Variants in NPAS3 observed in about 807,000 individuals in gnomAD.
The protein encoded by NPAS3 is neuronal PAS domain protein 3.
Under a neutral mutation model 73.1 loss-of-function variants are expected in NPAS3, and 14 were observed. That is an observed-to-expected ratio of 0.19 (90% CI 0.13 to 0.30). The LOEUF (loss-of-function observed/expected upper bound fraction) is 0.30, where lower values mean the gene tolerates loss of function less well. NPAS3 is among the 10% of genes least tolerant of loss of function. The pLI, the probability that NPAS3 is intolerant of heterozygous loss-of-function variation, is 1.00. For synonymous variants in NPAS3, 620 were observed against 541.5 expected, an observed-to-expected ratio of 1.14 and a Z score of -2.01; for missense variants, 1,096 against 1,250.0, an observed-to-expected ratio of 0.88 and a Z score of 1.86.
At chr14:33,558,451 G>C (rs914770100) in intron 4 of NPAS3, among the ~76,000 whole-genome samples, 1 of 152,136 alleles carries the variant, frequency 6.6e-6, no homozygotes, top group Non-Finnish European at 1.5e-5. Flanking sequence ...TAGAGATGGG[G>C]TTTCCACCAT....
At chr14:33,370,473 A>G (rs758159622) in intron 4 of NPAS3, among the ~76,000 whole-genome samples, 12 of 152,136 alleles carry the variant, frequency 7.9e-5, no homozygotes, top group Non-Finnish European at 1.6e-4. Context: ...AGTGGGACAT[A>G]TAAGAGATGA....
chr14:33,697,125 G>A (rs2060404696), intron 6 of NPAS3, among the ~76,000 whole-genome samples: 1 of 152,204 alleles, frequency 6.6e-6, no homozygotes, highest in African/African-American at 2.4e-5. Flanking sequence ...TTCAACTTTA[G>A]AGTGCAGGAA....
chr14:32,994,578 T>TA (rs531429504), intron 1 of NPAS3, among the ~76,000 whole-genome samples: 29 of 144,256 alleles, frequency 2.0e-4, no homozygotes, highest in East Asian at 3.9e-4. Flanking sequence ...GAACTTAAAT[T>TA]AAAAAAAAAA....
At chr14:33,558,654 A>C (rs2055482307) in intron 4 of NPAS3, among the ~76,000 whole-genome samples, 1 of 151,708 alleles carries the variant, frequency 6.6e-6, no homozygotes, top group South Asian at 2.1e-4. Context: ...ATAAGAATAT[A>C]TATAATATAC....
chr14:33,723,242 TC>T (rs1399521100), intron 6 of NPAS3, among the ~76,000 whole-genome samples: 1 of 152,088 alleles, frequency 6.6e-6, no homozygotes, highest in Non-Finnish European at 1.5e-5. Flanking sequence ...TCTAAACTCT[TC>T]CATTTGTCAT....
chr14:33,416,197 A>C (rs17101049), intron 4 of NPAS3, among the ~76,000 whole-genome samples: 3,918 of 152,182 alleles, frequency 0.026, 173 homozygotes, highest in African/African-American at 0.088. Context: ...TGCACAATTT[A>C]CGTTGAACAT....
intron 2 of NPAS3, among the ~76,000 whole-genome samples, chr14:33,058,463 T>C (rs1344783907): frequency 9.2e-5 from 14 of 152,206 alleles, no homozygotes; most frequent in Non-Finnish European, 1.9e-4. Flanking sequence ...CTTAATCTCC[T>C]TGGGCCTCAG....
intron 3 of NPAS3, among the ~76,000 whole-genome samples, chr14:33,246,383 T>TA (rs1440316210): frequency 6.6e-6 from 1 of 151,408 alleles, no homozygotes; most frequent in Non-Finnish European, 1.5e-5. Context: ...ACTAAAAATA[T>TA]AAAAAATTAG....
At chr14:33,080,034 A>G (rs2138714419) in intron 2 of NPAS3, among the ~76,000 whole-genome samples, 1 of 152,354 alleles carries the variant, frequency 6.6e-6, no homozygotes, top group Non-Finnish European at 1.5e-5. Flanking sequence ...AAAGTTACAT[A>G]TAGTGTTGCT....
chr14:33,051,296 A>AAAAAAAAAAAAAAAAAAAAAAAGAG (rs771840433), intron 1 of NPAS3, among the ~76,000 whole-genome samples: 8 of 142,570 alleles, frequency 5.6e-5, no homozygotes, highest in African/African-American at 1.9e-4. Context: ...AAAAAAAAAA[A>AAAAAAAAAAAAAAAAAAAAAAAGAG]AGAGAGACTA....
At chr14:33,197,268 T>TGTGTGTGTGTGTGTGTGTG (rs1555353808) in intron 2 of NPAS3, among the ~76,000 whole-genome samples, 1 of 97,926 alleles carries the variant, frequency 1.0e-5, no homozygotes, top group African/African-American at 3.1e-5. Flanking sequence ...TGTGTGTGTG[T>TGTGTGTGTGTGTGTGTGTG]TCTTTTTCAA....
At chr14:33,280,094 C>T (rs1438723906) in intron 3 of NPAS3, among the ~76,000 whole-genome samples, 1 of 152,096 alleles carries the variant, frequency 6.6e-6, no homozygotes, top group East Asian at 1.9e-4. Flanking sequence ...TGAGTTCTGG[C>T]GGAGAGTCTC....
chr14:33,020,453 T>A (rs1160702049), intron 1 of NPAS3, among the ~76,000 whole-genome samples: 1 of 152,138 alleles, frequency 6.6e-6, no homozygotes, highest in Non-Finnish European at 1.5e-5. Context: ...GCAGGGAAAA[T>A]CCAGTGAAAT....
At position 33,091,503 on chromosome 14, in the gene NPAS3, C is replaced by T. The variant is rs551162998; in HGVS notation, c.140+35509C>T. 9.2e-5 allele frequency among the ~76,000 whole-genome samples: 14 copies of T among 152,146 alleles called. No individual in the cohort carries two copies. The South Asian group carries it at 2.9e-3, about 32-fold the overall frequency. ...TAAAATTGAGGCAATAATTAGTAGC[C>T]TACCAACCAAAAAATGTCCAGGACC... On this transcript the variant is annotated intron_variant, in intron 2 of 11. Coordinates refer to ENST00000356141, the Ensembl canonical transcript of NPAS3.
At chr14:33,743,905 A>G (rs528038890) in intron 7 of NPAS3, among the ~76,000 whole-genome samples, 11 of 152,352 alleles carry the variant, frequency 7.2e-5, no homozygotes, top group African/African-American at 2.6e-4. Flanking sequence ...TTTCTTCTGC[A>G]ACTTCTTCAT....
chr14:32,939,272 G>T (rs771401834), upstream of NPAS3: 1 of 714,174 alleles, frequency 1.4e-6, no homozygotes, highest in Non-Finnish European at 2.5e-6. Flanking sequence ...ACCCGGGAGG[G>T]GGGAGAGAGG....
At chr14:33,375,758 T>A (rs765894216) in intron 4 of NPAS3, among the ~76,000 whole-genome samples, 34 of 152,310 alleles carry the variant, frequency 2.2e-4, no homozygotes, top group Non-Finnish European at 4.1e-4. Context: ...AACTCACAAT[T>A]TCTATTAGTA....
At chr14:33,168,618 G>A (rs1250608654) in intron 2 of NPAS3, among the ~76,000 whole-genome samples, 3 of 152,142 alleles carry the variant, frequency 2.0e-5, no homozygotes, top group Admixed American at 6.5e-5. Flanking sequence ...CCTGTAGTTG[G>A]TGTAGAGTTC....
intron 1 of NPAS3, among the ~76,000 whole-genome samples, chr14:33,012,038 A>T (rs1003581042): frequency 6.6e-6 from 1 of 151,668 alleles, no homozygotes; most frequent in Admixed American, 6.6e-5. Flanking sequence ...TGTACAACAG[A>T]TGGAAGTGGT....
Sources: gnomAD v4.1 joint callset for allele counts (sites outside exome capture counted in the v4.1 genomes callset) on GRCh38, gnomAD v4.1.1 for gene constraint, MANE v1.5 for transcripts, NCBI Gene and HGNC (gene_info 2026-07-23, HGNC 2026-07-21) for gene names.